Variants in CWF19L2 observed in about 807,000 individuals in gnomAD.
CWF19L2 encodes CWF19-like protein 2.
CWF19L2 carries 98 observed loss-of-function variants against 111.7 expected under a neutral mutation model. The observed-to-expected ratio is 0.88, with a 90% CI of 0.75 to 1.04. The LOEUF is 1.04. Among genes scored for constraint, CWF19L2 ranks in the 50% least tolerant of loss-of-function variants. The pLI is 0.00. For synonymous variants in CWF19L2, 351 were observed against 342.9 expected (o/e 1.02, Z -0.26); for missense variants, 1,101 against 1,051.4 (o/e 1.05, Z -0.65).
At chr11:107,355,240 A>T (rs539615654) in intron 12 of CWF19L2, among the ~76,000 whole-genome samples, 1 of 152,130 alleles carries the variant, frequency 6.6e-6, no homozygotes, top group Non-Finnish European at 1.5e-5. Flanking sequence ...ACATGGTGAA[A>T]CCCCGTCTTT....
chr11:107,451,603 G>A (rs1028856624), intron 3 of CWF19L2, among the ~76,000 whole-genome samples: 1 of 152,034 alleles, frequency 6.6e-6, no homozygotes, highest in African/African-American at 2.4e-5. Context: ...GGATGAAAGA[G>A]GGGTATCACT....
At chr11:107,411,589 A>C (rs1861158088) in intron 10 of CWF19L2, among the ~76,000 whole-genome samples, 1 of 152,182 alleles carries the variant, frequency 6.6e-6, no homozygotes, top group African/African-American at 2.4e-5. Context: ...TAGTCTGATT[A>C]TTTCTTAAAA....
intron 8 of CWF19L2, among the ~76,000 whole-genome samples, chr11:107,426,432 G>T (rs1387853105): frequency 2.0e-5 from 3 of 151,814 alleles, no homozygotes; most frequent in Non-Finnish European, 4.4e-5. Flanking sequence ...TAAAATGCAT[G>T]TACTCTTTGA....
chr11:107,357,593 G>A (rs1289779569), intron 12 of CWF19L2, among the ~76,000 whole-genome samples: 1 of 152,122 alleles, frequency 6.6e-6, no homozygotes, highest in Admixed American at 6.6e-5. Context: ...TGTTTGAATT[G>A]AAAATGATAC....
intron 10 of CWF19L2, chr11:107,404,547 G>A (rs1861051517): frequency 3.0e-6 from 2 of 675,460 alleles, no homozygotes; most frequent in Admixed American, 2.0e-5. Context: ...TGTGTTGCAG[G>A]AGCTGGGGTG....
intron 10 of CWF19L2, among the ~76,000 whole-genome samples, chr11:107,396,269 T>C (rs1336928990): frequency 6.6e-6 from 1 of 152,228 alleles, no homozygotes; most frequent in East Asian, 1.9e-4. Context: ...ACTCTTTCCA[T>C]TTTCATAAGA....
chr11:107,441,797 T>C lies in CWF19L2; in HGVS notation c.451-175A>G, dbSNP rs554435275. Among the ~76,000 whole-genome samples, 7 of 152,340 alleles carry C rather than the reference T, an allele frequency of 4.6e-5. No individual in the cohort carries two copies. The South Asian group carries it at 1.5e-3, about 32-fold the overall frequency. The stretch of plus-strand genomic sequence containing the variant: ...GCAAGCTTCTAAATCTCTCTATACT[T>C]TAGTCTCTCCTCTATAAAATGGTAT... On this transcript the variant is annotated intron_variant, in intron 4 of 17. Coordinates refer to ENST00000282251, the MANE Select transcript of CWF19L2 (RefSeq NM_152434.3).
rs1355435586 is a variant in CWF19L2, at chr11:107,446,266, CTT to C, written c.340-3219_340-3218del. 1.1e-4 allele frequency among the ~76,000 whole-genome samples: 17 copies of C among 152,306 alleles called. No homozygotes were observed. In the South Asian group the frequency reaches 1.4e-3, roughly 13 times the overall value. Reference sequence around the variant, plus strand: ...GTTTCATCTCCATTCACCCCCTCCTCTTGTTTTATAATTTAGTACTATCAAAT... The same window carrying C: ...GTTTCATCTCCATTCACCCCCTCCTCGTTTTATAATTTAGTACTATCAAAT... On this transcript the variant is annotated intron_variant, in intron 3 of 17. Coordinates refer to ENST00000282251, the MANE Select transcript of CWF19L2 (RefSeq NM_152434.3).
chr11:107,403,781 A>C (rs1379564425), intron 10 of CWF19L2: 1 of 886,820 alleles, frequency 1.1e-6, no homozygotes, highest in African/African-American at 1.6e-5. Flanking sequence ...CTCAGCTGCA[A>C]CTTTCTCCAT....
At chr11:107,442,736 AAGGAAGG>A (rs1861637357) in intron 4 of CWF19L2, among the ~76,000 whole-genome samples, 196 bp downstream of exon 4, 1 of 22,758 alleles carries the variant, frequency 4.4e-5, no homozygotes, top group Non-Finnish European at 9.0e-5. Context: ...GAAAGAAAGA[AAGGAAGG>A]AAGGAAGGAA....
chr11:107,417,366 T>C (rs959446121), intron 9 of CWF19L2, among the ~76,000 whole-genome samples: 1 of 152,212 alleles, frequency 6.6e-6, no homozygotes, highest in African/African-American at 2.4e-5. Flanking sequence ...CCCTATTTCT[T>C]ACAATTCTGA....
intron 12 of CWF19L2, among the ~76,000 whole-genome samples, chr11:107,358,718 T>C (rs1344569275): frequency 6.6e-6 from 1 of 152,188 alleles, no homozygotes; most frequent in Non-Finnish European, 1.5e-5. Context: ...GATTAGCTAA[T>C]TTTAATCTGT....
rs1178511192 is a variant in CWF19L2, at chr11:107,443,031, C to A, written c.358G>T (p.Val120Phe). ...GGAGTCTGGGATGGAACAGCCTCAA[C>A]CCACTCATCTTCAGAGCTCTAAGAA... ...DSSSSSEDEWVEAVPSQTPDK... is the reference protein window; with the variant it reads ...DSSSSSEDEWFEAVPSQTPDK... Residue 120 changes from valine to phenylalanine, a missense_variant, in exon 4 of 18, where the codon GTT becomes TTT. Physicochemically the swap from Val to Phe is conservative, Grantham distance 50. Coordinates refer to ENST00000282251, the MANE Select transcript of CWF19L2 (RefSeq NM_152434.3). 2 of 1,549,308 alleles carry A rather than the reference C, an allele frequency of 1.3e-6. No individual in the cohort carries two copies. Among genetic ancestry groups the A allele is most frequent in the Non-Finnish European group, 1.7e-6 (2 of 1,144,614 alleles).
At chr11:107,327,814 C>CA (rs1371239585) in intron 17 of CWF19L2, among the ~76,000 whole-genome samples, 25 of 152,054 alleles carry the variant, frequency 1.6e-4, no homozygotes, top group African/African-American at 6.0e-4. Flanking sequence ...AAGCAAAAAA[C>CA]AAAAAACAAA....
rs143400181 is a variant in CWF19L2, at chr11:107,414,380, A to G, written c.1617+1829T>C. Among the ~76,000 whole-genome samples the G allele has an allele frequency of 3.3e-3, 495 of 152,172 alleles. 3 individuals are homozygous for G. The highest frequency in any genetic ancestry group is 0.011 in the African/African-American group (455 of 41,520). On this transcript the variant is annotated intron_variant, in intron 10 of 17. Transcript: ENST00000282251. ...GCTAGAGTTATTCATATACATCTAA[A>G]TCTGTAATGCAGAAGTTGAACTCAG...
intron 11 of CWF19L2, among the ~76,000 whole-genome samples, chr11:107,390,704 G>A (rs1184387970): frequency 2.0e-5 from 3 of 152,194 alleles, no homozygotes; most frequent in African/African-American, 7.2e-5. Context: ...GTCTTTGGGA[G>A]GTAACTGGGC....
intron 12 of CWF19L2, among the ~76,000 whole-genome samples, chr11:107,358,244 C>G (rs926739575): frequency 6.6e-6 from 1 of 151,870 alleles, no homozygotes; most frequent in Non-Finnish European, 1.5e-5. Context: ...TGGCTTACCA[C>G]AGGGGTGCCC....
At chr11:107,449,189 C>T (rs576835998) in intron 3 of CWF19L2, among the ~76,000 whole-genome samples, 4 of 147,748 alleles carry the variant, frequency 2.7e-5, no homozygotes, top group Non-Finnish European at 4.5e-5. Context: ...TTTATCTAGC[C>T]AAGTATCTGA....
At chr11:107,436,615 T>A (rs1278928828) in intron 6 of CWF19L2, among the ~76,000 whole-genome samples, 1 of 152,126 alleles carries the variant, frequency 6.6e-6, no homozygotes, top group Non-Finnish European at 1.5e-5. Flanking sequence ...CAAAGTCTTT[T>A]CAACTCACAT....
Sources: gnomAD v4.1 joint callset for allele counts (sites outside exome capture counted in the v4.1 genomes callset) on GRCh38, gnomAD v4.1.1 for gene constraint, MANE v1.5 for transcripts, NCBI Gene and HGNC (gene_info 2026-07-23, HGNC 2026-07-21) for gene names.